CADM2: variants seen among roughly 807,000 people sequenced by gnomAD.
CADM2 encodes the protein cell adhesion molecule 2, also known as immunoglobulin superfamily member 4D.
CADM2 carries 12 observed loss-of-function variants against 49.8 expected under a neutral mutation model. That is an observed-to-expected ratio of 0.24 (90% CI 0.15 to 0.39). The LOEUF is 0.39. CADM2 is among the 10% of genes least tolerant of loss of function. CADM2 has a pLI of 1.00. For synonymous variants in CADM2, 214 were observed against 175.4 expected (o/e 1.22, Z -1.74); for missense variants, 378 against 492.3 (o/e 0.77, Z 2.20).
intron 9 of CADM2, among the ~76,000 whole-genome samples, chr3:86,066,332 CAA>C (rs10663610): frequency 0.011 from 332 of 30,328 alleles, no homozygotes; most frequent in East Asian, 0.094. Context: ...GACTCCGTCT[CAA>C]AAAAAAAAAA....
At chr3:85,150,729 C>T (rs537380116) in intron 1 of CADM2, among the ~76,000 whole-genome samples, 177 of 150,684 alleles carry the variant, frequency 1.2e-3, no homozygotes, top group Non-Finnish European at 1.8e-3. Context: ...ATAGTGAAAC[C>T]GTCTCTACTA....
At position 85,939,527 on chromosome 3, in the gene CADM2, A is replaced by G. The variant is rs910052032; in HGVS notation, c.791+3670A>G. On this transcript the variant is annotated intron_variant, in intron 7 of 9. Transcript: ENST00000383699. Reference sequence around the variant, plus strand: ...CAACATGAAACCTTTATATTACATTAAAGTCATGACCTTAAATGGTGTGAG... The same window carrying G: ...CAACATGAAACCTTTATATTACATTGAAGTCATGACCTTAAATGGTGTGAG... 2.0e-5 allele frequency among the ~76,000 whole-genome samples: 3 copies of G among 146,368 alleles called. No individual in the cohort carries two copies. In the Admixed American group the frequency reaches 2.1e-4, roughly 10 times the overall value.
At position 85,612,176 on chromosome 3, in the gene CADM2, T is replaced by G. The variant is rs1016578486; in HGVS notation, c.62-114346T>G. Among the ~76,000 whole-genome samples, 3 of 152,034 alleles carry G rather than the reference T, an allele frequency of 2.0e-5. No individual in the cohort carries two copies. The South Asian group carries it at 6.2e-4, about 31-fold the overall frequency. ...ACCAAAATTGGTTTAAAATTATTTC[T>G]TATCTTTTATATTTTAGGGAAAATA... On this transcript the variant is annotated intron_variant, in intron 1 of 9. Coordinates refer to ENST00000383699, the MANE Select transcript of CADM2 (RefSeq NM_001167675.2).
intron 1 of CADM2, among the ~76,000 whole-genome samples, chr3:85,165,317 A>G (rs894849313): frequency 3.3e-5 from 5 of 151,932 alleles, no homozygotes; most frequent in Admixed American, 6.6e-5. Flanking sequence ...TATTGTATAG[A>G]TAAAGCTAAA....
Position 85,946,650 on chromosome 3 carries a change from C to A in CADM2, c.791+10793C>A, listed in dbSNP as rs1052941686. ...CCTCAGAGATAATACCTCACATCTA[C>A]AACTATCTGATCTTTGACAAACCTG... On this transcript the variant is annotated intron_variant, in intron 7 of 9. Coordinates refer to ENST00000383699, the MANE Select transcript of CADM2 (RefSeq NM_001167675.2). 5.3e-5 allele frequency among the ~76,000 whole-genome samples: 8 copies of A among 152,180 alleles called. No individual in the cohort carries two copies. The East Asian group carries it at 1.6e-3, about 30-fold the overall frequency.
At chr3:85,075,376 T>C (rs2107484838) in intron 1 of CADM2, among the ~76,000 whole-genome samples, 1 of 152,208 alleles carries the variant, frequency 6.6e-6, no homozygotes, top group Middle Eastern at 3.4e-3. Flanking sequence ...TGAAAATAAA[T>C]GACTATCTTC....
intron 1 of CADM2, among the ~76,000 whole-genome samples, chr3:85,206,469 G>A (rs1365378968): frequency 2.6e-5 from 4 of 151,748 alleles, no homozygotes; most frequent in Admixed American, 6.6e-5. Context: ...CACCACGCCC[G>A]GCTAATTTTT....
At position 85,719,312 on chromosome 3, in the gene CADM2, A is replaced by G. The variant is rs1577156752; in HGVS notation, c.62-7210A>G. On this transcript the variant is annotated intron_variant, in intron 1 of 9. Coordinates refer to ENST00000383699, the MANE Select transcript of CADM2 (RefSeq NM_001167675.2). ...TTATCATATTAAATCATAGGAAAAG[A>G]TGTGTTCAGAAATTGTAATACAGTT... Among the ~76,000 whole-genome samples, 3 of 152,276 alleles carry G rather than the reference A, an allele frequency of 2.0e-5. No homozygotes were observed. The South Asian group carries it at 6.2e-4, about 32-fold the overall frequency.
intron 3 of CADM2, among the ~76,000 whole-genome samples, chr3:85,836,378 ATTCT>A (rs1210605521): frequency 6.6e-6 from 1 of 151,642 alleles, no homozygotes; most frequent in African/African-American, 2.4e-5. Context: ...TCAGGTTTTG[ATTCT>A]TTCTATCTTC....
At chr3:85,294,689 A>T (rs950019735) in intron 1 of CADM2, among the ~76,000 whole-genome samples, 11 of 151,210 alleles carry the variant, frequency 7.3e-5, no homozygotes, top group Admixed American at 4.6e-4. Flanking sequence ...AGCAATGGGG[A>T]AAGGATTCCC....
chr3:85,673,564 C>G (rs6807339), intron 1 of CADM2, among the ~76,000 whole-genome samples: 63,542 of 150,628 alleles, frequency 0.42, 13,434 homozygotes, highest in South Asian at 0.49. Flanking sequence ...AAAAAAACAC[C>G]AATTCTGACA....
intron 1 of CADM2, among the ~76,000 whole-genome samples, chr3:85,679,511 C>T (rs1327541441): frequency 4.6e-5 from 7 of 152,104 alleles, no homozygotes; most frequent in South Asian, 4.1e-4. Context: ...GCACTTTAAA[C>T]GATATTGGGA....
intron 1 of CADM2, among the ~76,000 whole-genome samples, chr3:85,382,393 G>A (rs2033958103): frequency 6.6e-6 from 1 of 152,108 alleles, no homozygotes; most frequent in East Asian, 1.9e-4. Flanking sequence ...TGGGATAGGA[G>A]TCAGGAGAAG....
At chr3:85,598,853 GTGTATA>G (rs775353374) in intron 1 of CADM2, among the ~76,000 whole-genome samples, 27 of 45,202 alleles carry the variant, frequency 6.0e-4, no homozygotes, top group African/African-American at 7.9e-4. Context: ...GTGTGTGTGT[GTGTATA>G]TATATATATA....
At chr3:84,967,881 T>A (rs1328750554) in intron 1 of CADM2, among the ~76,000 whole-genome samples, 1 of 152,002 alleles carries the variant, frequency 6.6e-6, no homozygotes, top group African/African-American at 2.4e-5. Flanking sequence ...TTCCGTAATC[T>A]CTTAATAAAA....
rs73142841 is a variant in CADM2, at chr3:85,726,098, G to A, written c.62-424G>A. Among the ~76,000 whole-genome samples the A allele has an allele frequency of 6.2e-3, 949 of 152,064 alleles. 3 individuals carry two copies. The highest frequency in any genetic ancestry group is 0.01 in the Non-Finnish European group (688 of 67,904). On this transcript the variant is annotated intron_variant, in intron 1 of 9. Coordinates refer to ENST00000383699, the MANE Select transcript of CADM2 (RefSeq NM_001167675.2). Reference sequence around the variant, plus strand: ...AAAGTCAGTCTCTGGCATTTAGAAAGCACTCAAATGATGGAAGTGGCCTGC... The same window carrying A: ...AAAGTCAGTCTCTGGCATTTAGAAAACACTCAAATGATGGAAGTGGCCTGC...
chr3:85,246,352 G>T (rs2042645415), intron 1 of CADM2, among the ~76,000 whole-genome samples: 1 of 151,874 alleles, frequency 6.6e-6, no homozygotes, highest in South Asian at 2.1e-4. Context: ...TGTAAATGAG[G>T]AGTTAATGGG....
At chr3:85,975,193 G>A (rs1726629864) in intron 8 of CADM2, among the ~76,000 whole-genome samples, 1 of 151,306 alleles carries the variant, frequency 6.6e-6, no homozygotes, top group Non-Finnish European at 1.5e-5. Context: ...ATTTATTTTA[G>A]TGAGTATTAT....
intron 2 of CADM2, among the ~76,000 whole-genome samples, chr3:85,789,497 A>G (rs1167375964): frequency 3.3e-5 from 5 of 152,148 alleles, no homozygotes; most frequent in African/African-American, 9.7e-5. Context: ...GAGACATACA[A>G]TTTTCTTTTC....
Sources: allele counts gnomAD v4.1 joint callset (sites outside exome capture counted in the v4.1 genomes callset), GRCh38; gene constraint gnomAD v4.1.1; transcripts MANE v1.5; gene names NCBI Gene and HGNC (gene_info 2026-07-23, HGNC 2026-07-21).